Variants in BCAS3 observed in about 807,000 individuals in gnomAD.
BCAS3 encodes BCAS3 microtubule associated cell migration factor.
Under a neutral mutation model 116.1 loss-of-function variants are expected in BCAS3, and 53 were observed. The ratio of observed to expected loss-of-function variants is 0.46; its 90% CI spans 0.37 to 0.57. The LOEUF (loss-of-function observed/expected upper bound fraction) is 0.57. Among genes scored for constraint, BCAS3 ranks in the 20% least tolerant of loss-of-function variants. The pLI is 0.00. For synonymous variants in BCAS3, 391 were observed against 408.2 expected, an observed-to-expected ratio of 0.96 and a Z score of 0.51; for missense variants, 917 against 1,165.4, an observed-to-expected ratio of 0.79 and a Z score of 3.10.
chr17:61,013,947 T>A lies in BCAS3; in HGVS notation c.1487-1804T>A, dbSNP rs1392828118. On this transcript the variant is annotated intron_variant, in intron 15 of 23. Coordinates refer to ENST00000407086, the MANE Select transcript of BCAS3 (RefSeq NM_017679.5). This position sits in a 1 kb window ranked among gnomAD's most constrained non-coding sequence, Gnocchi z 4.4. ...TTAGATACTGTGTGGTAGTTCTCCC[T>A]CTATCCTGAATCCATGCTATTTTTA... 2.0e-5 allele frequency among the ~76,000 whole-genome samples: 3 copies of A among 152,092 alleles called. No homozygotes were observed. The East Asian group carries it at 5.8e-4, about 29-fold the overall frequency.
chr17:60,980,586 G>A (rs2062744925), intron 14 of BCAS3: 2 of 137,892 alleles, frequency 1.5e-5, no homozygotes, highest in East Asian at 2.1e-4. Flanking sequence ...AGGGTAAAAT[G>A]CAGTGCTGCA....
rs2079488925 is a variant in BCAS3 at position 61,181,637 on chromosome 17, A to G, written c.2425+97073A>G. Among the ~76,000 whole-genome samples the G allele has an allele frequency of 6.6e-6, 1 of 152,226 alleles. No homozygotes were observed. The highest frequency in any genetic ancestry group is 2.4e-5 in the African/African-American group (1 of 41,468). On this transcript the variant is annotated intron_variant, in intron 22 of 23. Transcript: ENST00000407086. This position sits in a 1 kb window ranked among gnomAD's most constrained non-coding sequence, Gnocchi z 5.0. ...TGAGAAAGCAGACAGTAATTGATGT[A>G]GTGAAGATATTTTGCTTCTGTTACT...
At chr17:60,891,443 A>C (rs2057140988) in intron 10 of BCAS3, among the ~76,000 whole-genome samples, 1 of 152,194 alleles carries the variant, frequency 6.6e-6, no homozygotes, top group African/African-American at 2.4e-5. Context: ...CTTCACAAGG[A>C]GTTTGTGAGT....
At chr17:61,273,506 T>G (rs7217405) in intron 22 of BCAS3, among the ~76,000 whole-genome samples, 13,992 of 152,200 alleles carry the variant, frequency 0.092, 1,212 homozygotes, top group African/African-American at 0.23. Flanking sequence ...GTTTATCTGT[T>G]TCTCACCATT....
intron 22 of BCAS3, among the ~76,000 whole-genome samples, chr17:61,101,212 A>G (rs574517507): frequency 1.3e-4 from 20 of 152,306 alleles, no homozygotes; most frequent in African/African-American, 4.3e-4. Flanking sequence ...GTTATATTCA[A>G]GACTCACCTA....
At chr17:61,384,057 C>CG (rs1253744040) in intron 23 of BCAS3, 1 of 152,296 alleles carries the variant, frequency 6.6e-6, no homozygotes, top group African/African-American at 2.4e-5. Flanking sequence ...TCTTCATAGC[C>CG]GGGCAGAGCG....
At chr17:60,810,499 A>G (rs58872582) in intron 7 of BCAS3, 97,506 of 723,274 alleles carry the variant, frequency 0.13, 13,605 homozygotes, top group African/African-American at 0.58. Context: ...GGAGAGCAAA[A>G]CCCAGGAGCA....
intron 7 of BCAS3, among the ~76,000 whole-genome samples, chr17:60,821,046 A>G (rs887946708): frequency 7.2e-5 from 11 of 152,134 alleles, no homozygotes; most frequent in Non-Finnish European, 8.8e-5. Flanking sequence ...TCCCGGGTTC[A>G]AGTGATTCTC....
chr17:61,122,788 A>G lies in BCAS3; in HGVS notation c.2425+38224A>G, dbSNP rs1323941924. 6.6e-6 allele frequency among the ~76,000 whole-genome samples: 1 copy of G among 152,222 alleles called. No homozygotes were observed. The highest frequency in any genetic ancestry group is 1.5e-5 in the Non-Finnish European group (1 of 68,042). ...GAATATGTATATATGATGTTCATAT[A>G]TTTAGCATCTGTTGTCAATACAGCA... On this transcript the variant is annotated intron_variant, in intron 22 of 23. Coordinates refer to ENST00000407086, the MANE Select transcript of BCAS3 (RefSeq NM_017679.5). The surrounding 1 kb of genome is among the most constrained non-coding windows in gnomAD (Gnocchi z 4.6).
intron 4 of BCAS3, among the ~76,000 whole-genome samples, chr17:60,704,225 A>G (rs1222222505): frequency 6.6e-6 from 1 of 152,184 alleles, no homozygotes; most frequent in Non-Finnish European, 1.5e-5. Flanking sequence ...ATGCTGAGAG[A>G]AGTGCCCTAT....
chr17:61,143,385 A>G (rs535799004), intron 22 of BCAS3, among the ~76,000 whole-genome samples: 33 of 152,376 alleles, frequency 2.2e-4, no homozygotes, highest in African/African-American at 7.7e-4. Context: ...GGGGAAAAAA[A>G]TAATGAAATT....
At chr17:61,373,732 C>CCCCCA (rs200460432) in intron 23 of BCAS3, among the ~76,000 whole-genome samples, 1 of 148,050 alleles carries the variant, frequency 6.8e-6, no homozygotes, top group Non-Finnish European at 1.5e-5. Context: ...ATGCCCAGCC[C>CCCCCA]CTGTTTAAAG....
chr17:60,698,865 G>T (rs1179649720), intron 4 of BCAS3, among the ~76,000 whole-genome samples: 1 of 152,152 alleles, frequency 6.6e-6, no homozygotes, highest in African/African-American at 2.4e-5. Flanking sequence ...AGACCAGCCT[G>T]GCCAACATGG....
rs368338078 is a variant in BCAS3 at position 60,980,101 on chromosome 17, A to G, written c.1222-9870A>G. ...AGTTCCTCCTTGTACCTCTGGTAGA[A>G]TTCGGCTGTGAATCCATCTGGTCCT... is the stretch of plus-strand genomic sequence containing the variant. On this transcript the variant is annotated intron_variant, in intron 14 of 23. Transcript: ENST00000407086. 2.0e-5 allele frequency among the ~76,000 whole-genome samples: 3 copies of G among 152,162 alleles called. No individual in the cohort carries two copies. The East Asian group carries it at 5.8e-4, about 29-fold the overall frequency.
chr17:61,230,425 A>C (rs915856174), intron 22 of BCAS3, among the ~76,000 whole-genome samples: 1 of 152,032 alleles, frequency 6.6e-6, no homozygotes, highest in African/African-American at 2.4e-5. Context: ...CATAGCGCCC[A>C]ATAGGTAGTT....
rs72834618 is a variant in BCAS3, at chr17:61,286,610, A to G, written c.2426-81717A>G. 0.091 allele frequency among the ~76,000 whole-genome samples: 13,894 copies of G among 152,130 alleles called. 859 individuals are homozygous for G. The highest frequency in any genetic ancestry group is 0.14 in the Non-Finnish European group (9,208 of 67,998). ...CAGAGAGTGCTAACAGTGTGCCAGG[A>G]TCTGTGGGCACGCTGTTAGCAGGGC... On this transcript the variant is annotated intron_variant, in intron 22 of 23. Coordinates refer to ENST00000407086, the MANE Select transcript of BCAS3 (RefSeq NM_017679.5). The surrounding 1 kb of genome is among the most constrained non-coding windows in gnomAD (Gnocchi z 4.8).
intron 16 of BCAS3, among the ~76,000 whole-genome samples, chr17:61,031,150 T>G (rs889530394): frequency 3.9e-5 from 6 of 152,012 alleles, no homozygotes; most frequent in African/African-American, 9.7e-5. Context: ...AGACCCCTTT[T>G]GGAGGAGAAA....
chr17:61,386,002 C>A (rs1313750717), intron 23 of BCAS3, among the ~76,000 whole-genome samples: 1 of 152,124 alleles, frequency 6.6e-6, no homozygotes, highest in African/African-American at 2.4e-5. Flanking sequence ...GGAGAGGGAC[C>A]CTGTAGTCCT....
At chr17:60,854,283 C>T (rs897713480) in intron 7 of BCAS3, among the ~76,000 whole-genome samples, 3 of 152,270 alleles carry the variant, frequency 2.0e-5, no homozygotes, top group East Asian at 1.9e-4. Flanking sequence ...CACATTTTCT[C>T]AATCCAGTCT....
Sources: allele counts gnomAD v4.1 joint callset (sites outside exome capture counted in the v4.1 genomes callset), GRCh38; gene constraint gnomAD v4.1.1; non-coding constraint Gnocchi (gnomAD v3.1); transcripts MANE v1.5; gene names NCBI Gene and HGNC (gene_info 2026-07-23, HGNC 2026-07-21).